The following ACSL5 variants were observed in gnomAD, a reference collection of about 807,000 sequenced individuals.
ACSL5 encodes the protein long-chain-fatty-acid--CoA ligase 5.
Under a neutral mutation model 84.9 loss-of-function variants are expected in ACSL5, and 50 were observed. That is an observed-to-expected ratio of 0.59 (90% CI 0.47 to 0.75). ACSL5 has a LOEUF of 0.75. Ranked by LOEUF, ACSL5 falls within the 30% of genes least tolerant of loss-of-function variation. ACSL5 has a pLI of 0.00. For synonymous variants in ACSL5, 280 were observed against 300.7 expected (o/e 0.93, Z 0.71); for missense variants, 775 against 830.4 (o/e 0.93, Z 0.82).
At chr10:112,377,531 C>G (rs767653997) in intron 1 of ACSL5, among the ~76,000 whole-genome samples, 81 of 152,136 alleles carry the variant, frequency 5.3e-4, no homozygotes, top group Non-Finnish European at 1.0e-3. Context: ...AAGACTCTGG[C>G]TCAAAAACAA....
chr10:112,407,621 G>A (rs999491295), intron 5 of ACSL5, among the ~76,000 whole-genome samples: 6 of 152,112 alleles, frequency 3.9e-5, no homozygotes, highest in East Asian at 3.9e-4. Flanking sequence ...TTCCTCCCAC[G>A]ACACATGGGG....
intron 1 of ACSL5, chr10:112,376,412 T>C (rs372279985): frequency 1.2e-6 from 2 of 1,613,962 alleles, no homozygotes; most frequent in Non-Finnish European, 1.7e-6. Context: ...AAGCCCCCAT[T>C]CACTAGAAGC....
At chr10:112,401,847 C>CCTTTCTTT (rs1564736565) in intron 3 of ACSL5, among the ~76,000 whole-genome samples, 6 of 80,066 alleles carry the variant, frequency 7.5e-5, no homozygotes, top group Admixed American at 6.0e-4. Flanking sequence ...TTTCTTCCTT[C>CCTTTCTTT]CTTCCTTCCT....
chr10:112,422,294 A>G, intron 16 of ACSL5, 31 bp from the exon 17 acceptor site: 1 of 1,588,128 alleles, frequency 6.3e-7, no homozygotes, highest in Non-Finnish European at 8.6e-7. Flanking sequence ...AGCCTTTGCT[A>G]TTGTCACCGC....
intron 1 of ACSL5, among the ~76,000 whole-genome samples, chr10:112,380,434 G>A (rs1391071133): frequency 6.6e-6 from 1 of 152,014 alleles, no homozygotes; most frequent in Non-Finnish European, 1.5e-5. Context: ...TTCATCCTTG[G>A]AGACTTTTTC....
At chr10:112,379,599 T>C (rs1268397450) in intron 1 of ACSL5, among the ~76,000 whole-genome samples, 1 of 152,098 alleles carries the variant, frequency 6.6e-6, no homozygotes, top group Non-Finnish European at 1.5e-5. Flanking sequence ...GATTGAGGAC[T>C]TCCCATGTGC....
chr10:112,425,733 T>C (rs1279923482), intron 18 of ACSL5: 1 of 354,430 alleles, frequency 2.8e-6, no homozygotes. Flanking sequence ...AGGTAATGAT[T>C]CAGTAAAAAA....
intron 10 of ACSL5, 118 bp downstream of exon 10, chr10:112,411,647 CGTT>C: frequency 1.0e-6 from 1 of 987,662 alleles, no homozygotes; most frequent in Non-Finnish European, 1.5e-6. Flanking sequence ...CACACACACA[CGTT>C]AAAGGCTGGA....
chr10:112,411,461 C>A lies in ACSL5; in HGVS notation c.802C>A (p.Pro268Thr). ...ICFTSGTTGD[P>T]KGAMITHQNI... ...CCACCTCTTATTTCCTACAGGTGAC[C>A]CCAAAGGAGCCATGATAACCCATCA... Residue 268 changes from proline (P) to threonine (T), a missense_variant, in exon 10 of 21, where the codon CCC becomes ACC. Transcript: ENST00000354655. The A allele has an allele frequency of 6.2e-7, 1 of 1,612,698 alleles. No homozygotes were observed. The highest frequency in any genetic ancestry group is 8.5e-7 in the Non-Finnish European group (1 of 1,178,710).
chr10:112,388,171 C>T (rs1426627507), intron 1 of ACSL5, among the ~76,000 whole-genome samples: 1 of 152,118 alleles, frequency 6.6e-6, no homozygotes, highest in Non-Finnish European at 1.5e-5. Flanking sequence ...AACTCCTGGC[C>T]TCAAGTGATC....
chr10:112,377,342 C>T (rs553617394), intron 1 of ACSL5, among the ~76,000 whole-genome samples: 1 of 152,316 alleles, frequency 6.6e-6, no homozygotes, highest in East Asian at 1.9e-4. Flanking sequence ...GAGTTAGAAA[C>T]CAGCCTGGCC....
In ACSL5 at chr10:112,427,535, A is replaced by G. The variant is rs530045307; in HGVS notation, c.*177A>G. 34 of 497,656 alleles carry G rather than the reference A, an allele frequency of 6.8e-5. No homozygotes were observed. The highest frequency in any genetic ancestry group is 4.8e-4 in the Middle Eastern group (1 of 2,072). The allele number at this position is 497,656 out of a possible 1,614,324, so 30.8% of individuals were successfully genotyped here. ...TAATGTGTAAACTTAGTTCCCAAATAAATCAATCCTGTCTTTCCCATCTTC... is the reference window on the plus strand; with the variant it reads ...TAATGTGTAAACTTAGTTCCCAAATGAATCAATCCTGTCTTTCCCATCTTC... On this transcript the variant is annotated 3_prime_UTR_variant, in exon 21 of 21. Coordinates refer to ENST00000354655, the MANE Select transcript of ACSL5 (RefSeq NM_203379.2).
chr10:112,408,610 G>T, intron 6 of ACSL5, 89 bp downstream of exon 6: 1 of 968,774 alleles, frequency 1.0e-6, no homozygotes, highest in Middle Eastern at 2.3e-4. Context: ...TTGTTTGTTT[G>T]TTTAAGCAAA....
chr10:112,424,025 T>C (rs766928891), intron 17 of ACSL5, among the ~76,000 whole-genome samples: 20 of 152,338 alleles, frequency 1.3e-4, no homozygotes, highest in Non-Finnish European at 2.1e-4. Context: ...GTCCACAGCT[T>C]TTGCCTCTTA....
chr10:112,408,091 G>A (rs1844087863), intron 5 of ACSL5, among the ~76,000 whole-genome samples: 1 of 151,952 alleles, frequency 6.6e-6, no homozygotes, highest in African/African-American at 2.4e-5. Context: ...TTGAGCCTAG[G>A]AGTTTTATGC....
chr10:112,405,858 T>C (rs142715488), intron 5 of ACSL5, among the ~76,000 whole-genome samples: 2 of 152,288 alleles, frequency 1.3e-5, no homozygotes, highest in East Asian at 3.9e-4. Context: ...AAGAAAATGA[T>C]AAGGAAGAGA....
At chr10:112,380,140 GAC>G (rs1382101453) in intron 1 of ACSL5, among the ~76,000 whole-genome samples, 2 of 152,154 alleles carry the variant, frequency 1.3e-5, no homozygotes, top group African/African-American at 2.4e-5. Context: ...TTTGGACTGT[GAC>G]TCACTTGAAG....
intron 12 of ACSL5, 78 bp from the exon 13 acceptor site, chr10:112,416,810 A>C: frequency 1.3e-6 from 2 of 1,493,456 alleles, no homozygotes; most frequent in South Asian, 2.3e-5. Flanking sequence ...AAGCTAGAAC[A>C]CACTGTTTCT....
intron 1 of ACSL5, among the ~76,000 whole-genome samples, chr10:112,385,804 A>C (rs1165739563): frequency 6.6e-6 from 1 of 152,166 alleles, no homozygotes; most frequent in Non-Finnish European, 1.5e-5. Flanking sequence ...ATTTTTATAT[A>C]ATCAAACTTG....
Sources: gnomAD v4.1 joint callset for allele counts (sites outside exome capture counted in the v4.1 genomes callset) on GRCh38, gnomAD v4.1.1 for gene constraint, MANE v1.5 for transcripts, NCBI Gene and HGNC (gene_info 2026-07-23, HGNC 2026-07-21) for gene names.